The following ABCB10 variants were observed in gnomAD, a reference collection of about 807,000 sequenced individuals.
The protein encoded by ABCB10 is ATP binding cassette subfamily B member 10, also known as ATP-binding cassette sub-family B member 10, mitochondrial.
ABCB10 carries 54 observed loss-of-function variants against 65.4 expected under a neutral mutation model. That is an observed-to-expected ratio of 0.83 (90% CI 0.66 to 1.04). ABCB10 has a LOEUF of 1.04. Among genes scored for constraint, ABCB10 ranks in the 50% least tolerant of loss-of-function variants. The probability of loss-of-function intolerance (pLI) is 0.00; values close to 1 mark genes in which losing one functional copy is unlikely to be tolerated. For missense variants in ABCB10, 846 were observed against 976.6 expected, an observed-to-expected ratio of 0.87 and a Z score of 1.78; for synonymous variants, 418 against 406.5, an observed-to-expected ratio of 1.03 and a Z score of -0.34.
rs1283797654 is a variant in ABCB10 at position 229,517,304 on chromosome 1, A to G, written c.*875T>C. The G allele has an allele frequency of 6.6e-6, 1 of 152,222 alleles. No homozygotes were observed. Among genetic ancestry groups the G allele is most frequent in the South Asian group, 2.1e-4 (1 of 4,836 alleles). 9.4% of individuals were successfully genotyped at this position (152,222 alleles called of 1,614,324 possible). A position where few individuals can be genotyped will look rare whatever the true frequency, so the allele number is the denominator to read the frequency against. On this transcript the variant is annotated 3_prime_UTR_variant, in exon 13 of 13. Transcript: ENST00000344517. ...TTAGCCTTATTAATGAAATTCCAAA[A>G]GTATTATAAAATAAGATTCAATTTG...
intron 12 of ABCB10, 59 bp downstream of exon 12, chr1:229,518,782 G>T: frequency 1.5e-6 from 2 of 1,367,146 alleles, no homozygotes; most frequent in South Asian, 1.3e-5. Context: ...AAAGTGTTTT[G>T]GTGAAGGAAG....
rs962906104 is a variant in ABCB10, at chr1:229,558,625, G to A, written c.28C>T (p.Arg10Trp). 2.7e-5 allele frequency: 38 copies of A among 1,406,670 alleles called. No individual in the cohort carries two copies. In the African/African-American group the frequency reaches 3.2e-4, roughly 12 times the overall value. The allele number at this position is 1,406,670 out of a possible 1,614,324, so 87.1% of individuals were successfully genotyped here. Residue 10 changes from arginine (R) to tryptophan (W), a missense_variant, in exon 1 of 13, where the codon CGG becomes TGG. Physicochemically the swap from Arg to Trp is moderately radical, Grantham distance 101. Coordinates refer to ENST00000344517, the MANE Select transcript of ABCB10 (RefSeq NM_012089.3). Reference protein sequence around the residue: MRGPPAWPLRLLEPPSPAEP... With the variant: MRGPPAWPLWLLEPPSPAEP... The stretch of plus-strand genomic sequence containing the variant: ...GCAGGGCTCGGTGGCTCGAGCAGCC[G>A]CAGCGGCCAGGCAGGGGGGCCTCGC...
At chr1:229,525,069 A>G (rs1246892964) in intron 10 of ABCB10, among the ~76,000 whole-genome samples, 3 of 152,048 alleles carry the variant, frequency 2.0e-5, no homozygotes, top group African/African-American at 7.2e-5. Context: ...TCACCAGGCT[A>G]GTCTTGAACT....
At chr1:229,533,582 A>T (rs1379021921) in intron 6 of ABCB10, among the ~76,000 whole-genome samples, 1 of 152,254 alleles carries the variant, frequency 6.6e-6, no homozygotes, top group Non-Finnish European at 1.5e-5. Context: ...TAAAATTTTT[A>T]GGCTGAATTA....
At chr1:229,531,345 C>T (rs962187203) in intron 7 of ABCB10, among the ~76,000 whole-genome samples, 2 of 152,220 alleles carry the variant, frequency 1.3e-5, no homozygotes, top group African/African-American at 2.4e-5. Context: ...ACACTGACTT[C>T]CATCCTGCCC....
chr1:229,553,941 G>T (rs1663180698), intron 1 of ABCB10, among the ~76,000 whole-genome samples: 1 of 152,138 alleles, frequency 6.6e-6, no homozygotes, highest in Admixed American at 6.5e-5. Flanking sequence ...GCCCAGGGCT[G>T]AGTACACAAG....
At chr1:229,556,637 A>T (rs1663253929) in intron 1 of ABCB10, among the ~76,000 whole-genome samples, 1 of 152,236 alleles carries the variant, frequency 6.6e-6, no homozygotes, top group Non-Finnish European at 1.5e-5. Flanking sequence ...TCATGGCATA[A>T]GAGGACTGGG....
At chr1:229,524,571 C>T (rs566018251) in intron 10 of ABCB10, among the ~76,000 whole-genome samples, 22 of 152,274 alleles carry the variant, frequency 1.4e-4, no homozygotes, top group African/African-American at 4.8e-4. Context: ...TTCATTTCTG[C>T]ACTTTAAAGA....
chr1:229,527,101 G>A lies in ABCB10; in HGVS notation c.1725+128C>T. On this transcript the variant is annotated intron_variant, in intron 9 of 12. Transcript: ENST00000344517. ...ACCTAAACAACCTGCCATGTGAGAT[G>A]AGCTTAATACATCCCAAAGACTTCC... The A allele has an allele frequency of 4.7e-6, 4 of 849,652 alleles. No homozygotes were observed. In the South Asian group the frequency reaches 5.3e-5, roughly 11 times the overall value. The allele number at this position is 849,652 out of a possible 1,614,324, so 52.6% of individuals were successfully genotyped here. A position where few individuals can be genotyped will look rare whatever the true frequency, so the allele number is the denominator to read the frequency against.
At chr1:229,527,395 G>A (rs1662471507) in intron 8 of ABCB10, 87 bp from the exon 9 acceptor site, 1 of 1,199,842 alleles carries the variant, frequency 8.3e-7, no homozygotes, top group South Asian at 1.3e-5. Context: ...GAAAATTCCA[G>A]ACTCATTTTT....
intron 1 of ABCB10, among the ~76,000 whole-genome samples, chr1:229,554,238 G>A (rs1373106227): frequency 6.6e-6 from 1 of 152,222 alleles, no homozygotes. Context: ...TAGAGAATGA[G>A]TGAGGACATG....
intron 8 of ABCB10, among the ~76,000 whole-genome samples, chr1:229,528,058 C>T (rs1470388035): frequency 6.6e-6 from 1 of 152,190 alleles, no homozygotes; most frequent in Admixed American, 6.5e-5. Context: ...CTCAACAAAA[C>T]TTGGTGATGA....
At position 229,538,696 on chromosome 1, in the gene ABCB10, A is replaced by T. The variant is rs1662775730; in HGVS notation, c.1339+760T>A. On this transcript the variant is annotated intron_variant, in intron 6 of 12. Transcript: ENST00000344517. ...TCACTTGCCTGCAGATGTCTACGGA[A>T]ATGCCTCTACCTTCAACAATTAGAC... Among the ~76,000 whole-genome samples, 4 of 152,334 alleles carry T rather than the reference A, an allele frequency of 2.6e-5. No individual in the cohort carries two copies. In the South Asian group the frequency reaches 8.3e-4, roughly 32 times the overall value.
rs76408453 is a variant in ABCB10 at position 229,547,411 on chromosome 1, G to A, written c.921+88C>T. 2,557 of 1,483,958 alleles carry A rather than the reference G, an allele frequency of 1.7e-3. 38 individuals carry two copies. The African/African-American group carries it at 0.032, about 19-fold the overall frequency. 91.9% of individuals were successfully genotyped at this position (1,483,958 alleles called of 1,614,324 possible). ...AGGCACTTACAGAATGATGCGAACC[G>A]CTCAGCTTGAGCTCGTCTCACACGT... On this transcript the variant is annotated intron_variant, in intron 3 of 12. Transcript: ENST00000344517.
At chr1:229,548,636 A>G (rs1418346065) in intron 2 of ABCB10, among the ~76,000 whole-genome samples, 1 of 151,546 alleles carries the variant, frequency 6.6e-6, no homozygotes, top group African/African-American at 2.4e-5. Context: ...GTCCAGCTTC[A>G]TGGCCAGGGG....
intron 3 of ABCB10, among the ~76,000 whole-genome samples, chr1:229,544,152 G>A (rs886570832): frequency 5.5e-4 from 83 of 152,292 alleles, no homozygotes; most frequent in African/African-American, 1.9e-3. Context: ...AGTGGCTCAC[G>A]TCTGTAATCC....
rs1220172192 is a variant in ABCB10 at position 229,516,914 on chromosome 1, G to A, written c.*1265C>T. On this transcript the variant is annotated 3_prime_UTR_variant, in exon 13 of 13. Coordinates refer to ENST00000344517, the MANE Select transcript of ABCB10 (RefSeq NM_012089.3). ...TATTCCATGCTTTTCATGAAATAGT[G>A]GTTTCTTCTTCCAGTCTAATCAGGG... is the stretch of plus-strand genomic sequence containing the variant. The A allele has an allele frequency of 6.6e-6, 1 of 152,232 alleles. No homozygotes were observed. The highest frequency in any genetic ancestry group is 2.4e-5 in the African/African-American group (1 of 41,552). 9.4% of individuals were successfully genotyped at this position (152,232 alleles called of 1,614,324 possible).
chr1:229,549,065 G>C (rs1312724475), intron 2 of ABCB10, among the ~76,000 whole-genome samples, 169 bp downstream of exon 2: 2 of 152,138 alleles, frequency 1.3e-5, no homozygotes, highest in African/African-American at 4.8e-5. Flanking sequence ...AAAATAATCT[G>C]TAACTCCAAC....
rs556608381 is a variant in ABCB10, at chr1:229,520,457, G to A, written c.1950+1135C>T. ...TGCACTCCAGCCTGGGTGATACAGC[G>A]AGACTCTGTCTCAAAAAAAAGAAAA... is the stretch of plus-strand genomic sequence containing the variant. On this transcript the variant is annotated intron_variant, in intron 11 of 12. Coordinates refer to ENST00000344517, the MANE Select transcript of ABCB10 (RefSeq NM_012089.3). Among the ~76,000 whole-genome samples, 3 of 149,772 alleles carry A rather than the reference G, an allele frequency of 2.0e-5. No individual in the cohort carries two copies. The East Asian group carries it at 5.9e-4, about 29-fold the overall frequency.
Sources: allele counts gnomAD v4.1 joint callset (sites outside exome capture counted in the v4.1 genomes callset), GRCh38; gene constraint gnomAD v4.1.1; transcripts MANE v1.5; gene names NCBI Gene and HGNC (gene_info 2026-07-23, HGNC 2026-07-21).